Variants in MCCC1 observed in about 807,000 individuals in gnomAD.
MCCC1 encodes methylcrotonyl-CoA carboxylase subunit 1.
In MCCC1, 64 loss-of-function variants were observed where a neutral mutation model predicts 83.8. The observed-to-expected ratio is 0.76, with a 90% CI of 0.62 to 0.94. MCCC1 has a LOEUF of 0.94. Ranked by LOEUF, MCCC1 falls within the 40% of genes least tolerant of loss-of-function variation. The probability of loss-of-function intolerance (pLI) is 0.00; values close to 1 mark genes in which losing one functional copy is unlikely to be tolerated. For synonymous variants in MCCC1, 322 were observed against 315.4 expected (o/e 1.02, Z -0.22); for missense variants, 807 against 904.7 (o/e 0.89, Z 1.39).
upstream of MCCC1, among the ~76,000 whole-genome samples, chr3:183,102,674 T>C (rs1719333139): frequency 6.9e-6 from 1 of 145,076 alleles, no homozygotes; most frequent in South Asian, 2.4e-4. Flanking sequence ...CACCAAAATA[T>C]TCCAAGTAGA....
At chr3:183,047,391 T>C (rs1468369700) in intron 9 of MCCC1, among the ~76,000 whole-genome samples, 1 of 152,298 alleles carries the variant, frequency 6.6e-6, no homozygotes, top group East Asian at 1.9e-4. Context: ...ACCAAAGGCC[T>C]GTTTAGCAAA....
chr3:183,086,860 T>C, intron 3 of MCCC1, 72 bp from the exon 4 acceptor site: 3 of 1,333,568 alleles, frequency 2.2e-6, no homozygotes, highest in Non-Finnish European at 3.2e-6. Flanking sequence ...CAGAACTGCT[T>C]CAGGGTCATT....
intron 17 of MCCC1, among the ~76,000 whole-genome samples, chr3:183,019,441 A>ATTCAT (rs1386193451): frequency 6.6e-6 from 1 of 152,228 alleles, no homozygotes; most frequent in African/African-American, 2.4e-5. Context: ...CCCTTATGAA[A>ATTCAT]GAGGCCTGAA....
At chr3:183,026,639 G>C (rs1232720448) in intron 14 of MCCC1, among the ~76,000 whole-genome samples, 1 of 152,162 alleles carries the variant, frequency 6.6e-6, no homozygotes, top group African/African-American at 2.4e-5. Flanking sequence ...GAACCTGCGA[G>C]GTGGAGGTTG....
chr3:183,091,328 G>A (rs1420226309), intron 3 of MCCC1, among the ~76,000 whole-genome samples: 2 of 152,178 alleles, frequency 1.3e-5, no homozygotes, highest in Non-Finnish European at 1.5e-5. Flanking sequence ...AGCACTTTGG[G>A]AGGCCAAGGT....
intron 8 of MCCC1, 67 bp downstream of exon 8, chr3:183,057,244 T>C (rs1294788347): frequency 3.9e-6 from 5 of 1,271,244 alleles, no homozygotes; most frequent in South Asian, 1.3e-5. Context: ...CACAGATTTC[T>C]GATGTGAAAA....
intron 3 of MCCC1, among the ~76,000 whole-genome samples, chr3:183,087,288 A>C (rs567517790): frequency 2.0e-5 from 3 of 152,346 alleles, no homozygotes; most frequent in Admixed American, 2.0e-4. Context: ...AAATCATAGC[A>C]TCCCTTGAAG....
At position 183,020,835 on chromosome 3, in the gene MCCC1, A is replaced by G. The variant is rs140725346; in HGVS notation, c.1870-598T>C. On this transcript the variant is annotated intron_variant, in intron 16 of 18. Coordinates refer to ENST00000265594, the MANE Select transcript of MCCC1 (RefSeq NM_020166.5). The stretch of plus-strand genomic sequence containing the variant: ...AGCACTTTAGGAGGCCAAGGTGGGC[A>G]GATCACGAGGTCAGGGGATCAAAAC... Among the ~76,000 whole-genome samples, 255 of 152,256 alleles carry G rather than the reference A, an allele frequency of 1.7e-3. 1 individual carries two copies. The highest frequency in any genetic ancestry group is 4.5e-3 in the African/African-American group (187 of 41,564).
chr3:183,102,141 A>G (rs1719321705), upstream of MCCC1, among the ~76,000 whole-genome samples: 1 of 152,078 alleles, frequency 6.6e-6, no homozygotes, highest in African/African-American at 2.4e-5. Context: ...GGCCTCCCAA[A>G]CTGCTTAAGC....
Position 183,035,068 on chromosome 3 carries a change from C to G in MCCC1, c.1595-991G>C, listed in dbSNP as rs188365260. ...TGTTGGGATTACAGGCATGAGCCAC[C>G]GCGCCTGGCCCCTTATAGGCATTTG... is the stretch of plus-strand genomic sequence containing the variant. On this transcript the variant is annotated intron_variant, in intron 13 of 18. Coordinates refer to ENST00000265594, the MANE Select transcript of MCCC1 (RefSeq NM_020166.5). 9.7e-4 allele frequency among the ~76,000 whole-genome samples: 147 copies of G among 152,252 alleles called. No individual in the cohort carries two copies. In the East Asian group the frequency reaches 0.017, roughly 18 times the overall value.
At chr3:183,061,968 C>T (rs918782639) in intron 7 of MCCC1, among the ~76,000 whole-genome samples, 3 of 152,086 alleles carry the variant, frequency 2.0e-5, no homozygotes, top group South Asian at 2.1e-4. Flanking sequence ...AGGTTTTTCC[C>T]GTGCTGTTCT....
intron 1 of MCCC1, among the ~76,000 whole-genome samples, chr3:183,097,629 A>C (rs1043870832): frequency 2.6e-5 from 4 of 152,026 alleles, no homozygotes; most frequent in African/African-American, 9.7e-5. Context: ...TCTTGAACTC[A>C]AGCAATCCTC....
chr3:183,017,432 A>T, intron 17 of MCCC1, 95 bp from the exon 18 acceptor site: 1 of 1,084,904 alleles, frequency 9.2e-7, no homozygotes, highest in Non-Finnish European at 1.4e-6. Flanking sequence ...CTGTCTATAT[A>T]TACTCATAAC....
At chr3:183,027,684 C>T (rs1331136855) in intron 14 of MCCC1, among the ~76,000 whole-genome samples, 1 of 152,144 alleles carries the variant, frequency 6.6e-6, no homozygotes, top group Non-Finnish European at 1.5e-5. Context: ...TACTGTGAAA[C>T]AGCCTTGTTG....
At chr3:183,091,153 G>C in intron 3 of MCCC1, 1 of 379,624 alleles carries the variant, frequency 2.6e-6, no homozygotes, top group Non-Finnish European at 5.3e-6. Context: ...GCTGTACAGT[G>C]ATAAAAGCCC....
intron 3 of MCCC1, among the ~76,000 whole-genome samples, chr3:183,089,955 T>C (rs1718195431): frequency 6.6e-6 from 1 of 152,186 alleles, no homozygotes; most frequent in Non-Finnish European, 1.5e-5. Context: ...CAGTTGGATA[T>C]ATATGTATCA....
chr3:183,099,660 C>T (rs112323511), upstream of MCCC1: 7 of 619,646 alleles, frequency 1.1e-5, no homozygotes, highest in African/African-American at 5.6e-5. Context: ...AGTCTGGCCA[C>T]GTGCTCGTGG....
At chr3:183,089,544 G>A (rs367773119) in intron 3 of MCCC1, among the ~76,000 whole-genome samples, 2 of 152,148 alleles carry the variant, frequency 1.3e-5, no homozygotes, top group East Asian at 1.9e-4. Context: ...AGCCTGGGGG[G>A]TTGAGGCTGC....
At chr3:183,114,737 GGTTCTGGAA>G (rs1359814085) in intron 1 of MCCC1, among the ~76,000 whole-genome samples, 2 of 152,120 alleles carry the variant, frequency 1.3e-5, no homozygotes, top group Non-Finnish European at 2.9e-5. Flanking sequence ...AAATTGCCTC[GGTTCTGGAA>G]ACGGAGCAAG....
Sources: gnomAD v4.1 joint callset for allele counts (sites outside exome capture counted in the v4.1 genomes callset) on GRCh38, gnomAD v4.1.1 for gene constraint, MANE v1.5 for transcripts, NCBI Gene and HGNC (gene_info 2026-07-23, HGNC 2026-07-21) for gene names.